TRPV4: variants seen among roughly 807,000 people sequenced by gnomAD.
The protein encoded by TRPV4 is OSM9-like transient receptor potential channel 4.
Under a neutral mutation model 84.1 loss-of-function variants are expected in TRPV4, and 58 were observed. That is an observed-to-expected ratio of 0.69 (90% CI 0.56 to 0.86). The LOEUF (loss-of-function observed/expected upper bound fraction) is 0.86. Ranked by LOEUF, TRPV4 falls within the 40% of genes least tolerant of loss-of-function variation. The pLI, the probability that TRPV4 is intolerant of heterozygous loss-of-function variation, is 0.00. For missense variants in TRPV4, 879 were observed against 1,181.1 expected (o/e 0.74, Z 3.75); for synonymous variants, 489 against 500.9 (o/e 0.98, Z 0.32).
At chr12:109,801,553 G>A (rs549459044) in intron 4 of TRPV4, among the ~76,000 whole-genome samples, 9 of 152,216 alleles carry the variant, frequency 5.9e-5, no homozygotes, top group African/African-American at 1.4e-4. Context: ...CCAGCCCTGC[G>A]GAACTGTGAG....
intron 13 of TRPV4, among the ~76,000 whole-genome samples, chr12:109,787,990 G>A (rs1889795697): frequency 6.6e-6 from 1 of 152,220 alleles, no homozygotes; most frequent in Admixed American, 6.5e-5. Flanking sequence ...GCTAGAAAAA[G>A]ACCCCCATGA....
At chr12:109,819,768 GC>G (rs1233210401) in intron 1 of TRPV4, among the ~76,000 whole-genome samples, 1 of 152,144 alleles carries the variant, frequency 6.6e-6, no homozygotes, top group African/African-American at 2.4e-5. Flanking sequence ...TCACATGTTG[GC>G]CAGGCTGGTC....
At chr12:109,818,297 G>A (rs76962249) in intron 1 of TRPV4, among the ~76,000 whole-genome samples, 1,727 of 152,180 alleles carry the variant, frequency 0.011, 21 homozygotes, top group South Asian at 0.072. Flanking sequence ...CCGCCATGCC[G>A]GATGGTAGTA....
In TRPV4 at chr12:109,783,499, C is replaced by T; in HGVS notation, c.*122G>A. The T allele has an allele frequency of 1.5e-6, 2 of 1,370,438 alleles. No homozygotes were observed. Among genetic ancestry groups the T allele is most frequent in the South Asian group, 1.4e-5 (1 of 70,180 alleles). 84.9% of individuals were successfully genotyped at this position (1,370,438 alleles called of 1,614,324 possible). A position where few individuals can be genotyped will look rare whatever the true frequency, so the allele number is the denominator to read the frequency against. ...CAGGGTCCTGGGGCCTCCCTGGCAC[C>T]TCCACTGGTCCCTCGCCTCTGGGGC... On this transcript the variant is annotated 3_prime_UTR_variant, in exon 16 of 16. Coordinates refer to ENST00000261740, the MANE Select transcript of TRPV4 (RefSeq NM_021625.5). This position sits in a 1 kb window ranked among gnomAD's most constrained non-coding sequence, Gnocchi z 4.6.
intron 1 of TRPV4, among the ~76,000 whole-genome samples, chr12:109,817,290 G>A (rs900822525): frequency 2.0e-5 from 3 of 152,162 alleles, no homozygotes; most frequent in Non-Finnish European, 4.4e-5. Context: ...TGGGGGCCCT[G>A]AGGTCAGGGG....
intron 1 of TRPV4, among the ~76,000 whole-genome samples, chr12:109,831,953 T>C (rs934934252): frequency 6.6e-6 from 1 of 152,220 alleles, no homozygotes; most frequent in Non-Finnish European, 1.5e-5. Context: ...TAGAGAAATG[T>C]GGAAATGGCC....
chr12:109,786,581 T>C lies in TRPV4; in HGVS notation c.2336+129A>G. 1.6e-6 allele frequency: 2 copies of C among 1,238,340 alleles called. No individual in the cohort carries two copies. The highest frequency in any genetic ancestry group is 2.3e-6 in the Non-Finnish European group (2 of 878,222). The allele number at this position is 1,238,340 out of a possible 1,614,324, so 76.7% of individuals were successfully genotyped here. On this transcript the variant is annotated intron_variant, in intron 14 of 15. Coordinates refer to ENST00000261740, the MANE Select transcript of TRPV4 (RefSeq NM_021625.5). The surrounding 1 kb of genome is among the most constrained non-coding windows in gnomAD (Gnocchi z 4.5). ...GAGATCGCCTGGTGGAAATGAACTC[T>C]GCTCGGGCCTCTTGGGGCCTCAGTG...
At chr12:109,805,690 C>A (rs1277268098) in intron 3 of TRPV4, among the ~76,000 whole-genome samples, 1 of 152,146 alleles carries the variant, frequency 6.6e-6, no homozygotes, top group Non-Finnish European at 1.5e-5. Context: ...AGGGCCTTAG[C>A]CAGGGGCCCT....
chr12:109,794,441 C>T lies in TRPV4; in HGVS notation c.1379G>A (p.Arg460Gln), dbSNP rs202244562. The T allele has an allele frequency of 6.4e-5, 104 of 1,614,028 alleles. No individual in the cohort carries two copies. The highest frequency in any genetic ancestry group is 8.9e-5 in the East Asian group (4 of 44,864). ...GGCCCCGAACTTGCGCCACTTGTCCCGCAGCAGTTCATTGATGGGCTCCAC... is the reference window on the plus strand; with the variant it reads ...GGCCCCGAACTTGCGCCACTTGTCCTGCAGCAGTTCATTGATGGGCTCCAC... The part of the protein sequence containing the change: ...LAVEPINELL[R>Q]DKWRKFGAVS... Residue 460 changes from arginine (R) to glutamine (Q), a missense_variant, in exon 8 of 16, where the codon CGG (arginine) becomes CAG (glutamine). This residue lies in a region of TRPV4 where 521 missense variants were observed against 686.6 expected (regional missense o/e 0.76). Coordinates refer to ENST00000261740, the MANE Select transcript of TRPV4 (RefSeq NM_021625.5).
Position 109,792,767 on chromosome 12 carries a change from C to T in TRPV4, c.1709G>A (p.Gly570Glu), listed in dbSNP as rs1890128218. The change falls in exon 11 of 16, where the codon GGG becomes GAG. Residue 570 changes from glycine (G) to glutamate (E), a missense_variant. By Grantham distance (98) the Gly-to-Glu change is moderately conservative. This residue lies in a region of TRPV4 where 521 missense variants were observed against 686.6 expected (regional missense o/e 0.76). Coordinates refer to ENST00000261740, the MANE Select transcript of TRPV4 (RefSeq NM_021625.5). ...CATCACGGCCAGGTAGGCCTCGATCCCTGCCAGGTAGAGGGCTGCTGAGAC... is the reference window on the plus strand; with the variant it reads ...CATCACGGCCAGGTAGGCCTCGATCTCTGCCAGGTAGAGGGCTGCTGAGAC... Reference protein sequence around the residue: ...VIVSAALYLAGIEAYLAVMVF... With the variant: ...VIVSAALYLAEIEAYLAVMVF... The T allele has an allele frequency of 1.2e-6, 2 of 1,614,080 alleles. No homozygotes were observed. The highest frequency in any genetic ancestry group is 1.7e-6 in the Non-Finnish European group (2 of 1,180,026).
At chr12:109,810,335 G>A (rs542551937) in intron 2 of TRPV4, among the ~76,000 whole-genome samples, 1 of 152,324 alleles carries the variant, frequency 6.6e-6, no homozygotes, top group African/African-American at 2.4e-5. Context: ...GGGTCTGGGA[G>A]GGAGAAGAGG....
Position 109,792,815 on chromosome 12 carries a change from A to G in TRPV4, c.1661T>C (p.Phe554Ser), listed in dbSNP as rs1428170367. 2 of 1,613,766 alleles carry G rather than the reference A, an allele frequency of 1.2e-6. No homozygotes were observed. Among genetic ancestry groups the G allele is most frequent in the Admixed American group, 3.3e-5 (2 of 60,022 alleles). Residue 554 changes from phenylalanine (F) to serine (S), a missense_variant and splice_region_variant, in exon 11 of 16, where the codon TTC becomes TCC. By Grantham distance (155) the Phe-to-Ser change is radical. This residue lies in a region of TRPV4 where 521 missense variants were observed against 686.6 expected (regional missense o/e 0.76). Transcript: ENST00000261740. ...FIDGSFQLLY[F>S]IYSVLVIVSA... is the part of the protein sequence containing the mutation. ...GACGATCACCAGGACAGAGTAGATG[A>G]AGCTGCAGTGCAGCAGAGACCACAA... is the stretch of plus-strand genomic sequence containing the variant.
intron 4 of TRPV4, among the ~76,000 whole-genome samples, chr12:109,801,123 G>A (rs1031740413): frequency 1.3e-5 from 2 of 152,192 alleles, no homozygotes; most frequent in African/African-American, 4.8e-5. Context: ...GGCAAGCCTG[G>A]GCAACACAGT....
In TRPV4 at chr12:109,784,341, C is replaced by A. The variant is rs34071623; in HGVS notation, c.2433G>T (p.Ser811=). ...KNETYQYYGF[S]HTVGRLRRDR... is the part of the protein sequence containing the mutation. ...CCCTGCGGAGGCGGCCCACGGTATG[C>A]GAGAAGCCATAATACTGGTAGGTCT... The change falls in exon 15 of 16, where the codon TCG becomes TCT. Residue 811 remains serine (S), a synonymous_variant. Transcript: ENST00000261740. 4 of 1,614,150 alleles carry A rather than the reference C, an allele frequency of 2.5e-6. No homozygotes were observed. The highest frequency in any genetic ancestry group is 3.4e-6 in the Non-Finnish European group (4 of 1,180,024).
chr12:109,830,940 C>G lies in TRPV4; in HGVS notation c.-32+2410G>C, dbSNP rs150619840. 6.5e-4 allele frequency among the ~76,000 whole-genome samples: 99 copies of G among 152,338 alleles called. 2 individuals carry two copies. The East Asian group carries it at 0.015, about 24-fold the overall frequency. On this transcript the variant is annotated intron_variant, in intron 1 of 15. Coordinates refer to ENST00000261740, the MANE Select transcript of TRPV4 (RefSeq NM_021625.5). ...CCTACATCTCCTTCCAGCTGCCGCT[C>G]TCCACTCAGAGCTTGGATGACTTCC...
In TRPV4 at chr12:109,788,520, G is replaced by A. The variant is rs367846257; in HGVS notation, c.2088C>T (p.Ile696=). The A allele has an allele frequency of 2.7e-5, 44 of 1,614,140 alleles. No individual in the cohort carries two copies. The highest frequency in any genetic ancestry group is 3.6e-5 in the Non-Finnish European group (43 of 1,180,056). The change falls in exon 13 of 16, where the codon ATC becomes ATT. Residue 696 remains isoleucine, a synonymous_variant. Transcript: ENST00000261740. The part of the protein sequence containing the change: ...LSSTKYPVVF[I]ILLVTYIILT... ...GGATGATGTAGGTCACCAGCAGGAT[G>A]ATGAAGACCACGGGGTACTTGGTGC...
rs1891797644 is a variant in TRPV4 at position 109,815,373 on chromosome 12, G to A, written c.-31-546C>T. 6.6e-6 allele frequency among the ~76,000 whole-genome samples: 1 copy of A among 152,264 alleles called. No individual in the cohort carries two copies. ...CAGAACCATTAACCGTGGGCTTCAG[G>A]CACAGGAGGGGCTCAGAAAATCCAT... is the stretch of plus-strand genomic sequence containing the variant. On this transcript the variant is annotated intron_variant, in intron 1 of 15. Transcript: ENST00000261740. This position sits in a 1 kb window ranked among gnomAD's most constrained non-coding sequence, Gnocchi z 4.1.
chr12:109,783,826 G>T lies in TRPV4; in HGVS notation c.2459-48C>A. ...GGAGGGGTGGGGGTTGGTGGAGAGA[G>T]AGCGTGCGTATATTGAGTGCCTACT... On this transcript the variant is annotated intron_variant, in intron 15 of 15. Transcript: ENST00000261740. The surrounding 1 kb of genome is among the most constrained non-coding windows in gnomAD (Gnocchi z 4.6). 2 of 1,602,576 alleles carry T rather than the reference G, an allele frequency of 1.2e-6. No individual in the cohort carries two copies. Among genetic ancestry groups the T allele is most frequent in the South Asian group, 2.2e-5 (2 of 90,810 alleles).
At chr12:109,806,335 C>T (rs183272379) in intron 3 of TRPV4, among the ~76,000 whole-genome samples, 1 of 149,812 alleles carries the variant, frequency 6.7e-6, no homozygotes, top group East Asian at 2.0e-4. Context: ...GCTGAAATTA[C>T]AGGTGTGTGC....
Sources: gnomAD v4.1 joint callset for allele counts (sites outside exome capture counted in the v4.1 genomes callset) on GRCh38, gnomAD v4.1.1 for gene constraint, gnomAD v4.1.1 regional missense constraint, Gnocchi (gnomAD v3.1) non-coding constraint, MANE v1.5 for transcripts, NCBI Gene and HGNC (gene_info 2026-07-23, HGNC 2026-07-21) for gene names.